GADL1: variants seen among roughly 807,000 people sequenced by gnomAD.
GADL1 encodes the protein acidic amino acid decarboxylase GADL1.
Under a neutral mutation model 69.5 loss-of-function variants are expected in GADL1, and 71 were observed. The observed-to-expected ratio is 1.02, with a 90% confidence interval of 0.84 to 1.25. The LOEUF is 1.25. GADL1 is among the 50% of genes most tolerant of loss of function. The probability of loss-of-function intolerance (pLI) is 0.00; values close to 1 mark genes in which losing one functional copy is unlikely to be tolerated. For synonymous variants in GADL1, 254 were observed against 214.4 expected (o/e 1.18, Z -1.62); for missense variants, 737 against 631.8 (o/e 1.17, Z -1.79).
At chr3:30,838,412 A>G (rs1332128358) in intron 9 of GADL1, among the ~76,000 whole-genome samples, 3 of 152,156 alleles carry the variant, frequency 2.0e-5, no homozygotes, top group Non-Finnish European at 4.4e-5. Flanking sequence ...TAAAAAGCCA[A>G]TCCTTTGCTA....
chr3:30,759,227 C>CT (rs1242848311), intron 14 of GADL1, among the ~76,000 whole-genome samples: 1 of 150,940 alleles, frequency 6.6e-6, no homozygotes, highest in Non-Finnish European at 1.5e-5. Context: ...ACATCTGTCT[C>CT]TTTAGCTCTC....
intron 1 of GADL1, among the ~76,000 whole-genome samples, chr3:30,874,974 G>A (rs1300564207): frequency 6.6e-6 from 1 of 151,912 alleles, no homozygotes; most frequent in African/African-American, 2.4e-5. Flanking sequence ...CATCCAACCT[G>A]TGCATTGGCT....
chr3:30,824,314 A>C (rs892409218), intron 11 of GADL1, among the ~76,000 whole-genome samples: 2 of 151,820 alleles, frequency 1.3e-5, no homozygotes, highest in Non-Finnish European at 2.9e-5. Flanking sequence ...AAATATCACC[A>C]AAGTATTGAA....
intron 11 of GADL1, among the ~76,000 whole-genome samples, chr3:30,803,002 A>C (rs1697192196): frequency 6.6e-6 from 1 of 152,210 alleles, no homozygotes; most frequent in African/African-American, 2.4e-5. Context: ...TGAAGTGGGA[A>C]GATCACTTGA....
At chr3:30,797,286 C>G (rs910006671) in intron 12 of GADL1, among the ~76,000 whole-genome samples, 1 of 152,118 alleles carries the variant, frequency 6.6e-6, no homozygotes, top group Non-Finnish European at 1.5e-5. Context: ...AGGGGGAAAA[C>G]AATTGTTGTT....
chr3:30,779,164 A>G (rs537141080), intron 13 of GADL1: 4 of 152,342 alleles, frequency 2.6e-5, no homozygotes, highest in Admixed American at 2.6e-4. Context: ...ACAAAAACAT[A>G]GGAAATGCGA....
At chr3:30,771,284 G>A (rs1249755755) in intron 14 of GADL1, among the ~76,000 whole-genome samples, 4 of 152,190 alleles carry the variant, frequency 2.6e-5, no homozygotes, top group Non-Finnish European at 4.4e-5. Flanking sequence ...ACCCTTAGTT[G>A]CAGAATGGCA....
intron 1 of GADL1, among the ~76,000 whole-genome samples, chr3:30,887,249 G>GTT (rs1046258569): frequency 1.3e-5 from 2 of 152,188 alleles, no homozygotes; most frequent in African/African-American, 4.8e-5. Flanking sequence ...AGGTGCTGTG[G>GTT]TTTGAATGTC....
At chr3:30,778,114 T>A in intron 14 of GADL1, 65 bp downstream of exon 14, 1 of 905,592 alleles carries the variant, frequency 1.1e-6, no homozygotes, top group Non-Finnish European at 1.8e-6. Flanking sequence ...ATTTATAGGA[T>A]CAACAGATAA....
In GADL1 at chr3:30,749,043, C is replaced by T. The variant is rs148640574; in HGVS notation, c.1393-20628G>A. On this transcript the variant is annotated intron_variant, in intron 14 of 14. Transcript: ENST00000282538. Reference sequence around the variant, plus strand: ...TTCTTTTACTATAATTATCAATTCCCGAATCAATCTTGCCTTCATGTACCC... The same window carrying T: ...TTCTTTTACTATAATTATCAATTCCTGAATCAATCTTGCCTTCATGTACCC... Among the ~76,000 whole-genome samples the T allele has an allele frequency of 4.6e-5, 7 of 152,290 alleles. No homozygotes were observed. In the South Asian group the frequency reaches 6.2e-4, roughly 14 times the overall value.
chr3:30,781,909 C>T (rs1696674477), intron 13 of GADL1, among the ~76,000 whole-genome samples: 1 of 152,176 alleles, frequency 6.6e-6, no homozygotes, highest in African/African-American at 2.4e-5. Context: ...TAGTGAGGTA[C>T]ATCACTATGT....
intron 12 of GADL1, chr3:30,800,648 TGGAG>T: frequency 1.9e-6 from 1 of 515,230 alleles, no homozygotes; most frequent in South Asian, 2.2e-5. Context: ...GCTAGGATCT[TGGAG>T]GGAGGTGATA....
intron 13 of GADL1, among the ~76,000 whole-genome samples, chr3:30,781,998 TAAGC>T (rs5847621): frequency 0.053 from 8,124 of 152,256 alleles, 410 homozygotes; most frequent in South Asian, 0.2. Context: ...TTCAAATTAA[TAAGC>T]AAAGCTTTCT....
chr3:30,859,255 C>G (rs553926037), intron 2 of GADL1, among the ~76,000 whole-genome samples: 1 of 151,744 alleles, frequency 6.6e-6, no homozygotes, highest in African/African-American at 2.4e-5. Context: ...GGAGGAAATA[C>G]CAAGTTGTGC....
At chr3:30,810,021 G>A (rs896905701) in intron 11 of GADL1, among the ~76,000 whole-genome samples, 2 of 152,216 alleles carry the variant, frequency 1.3e-5, no homozygotes, top group Non-Finnish European at 2.9e-5. Context: ...TGAGGTGCTT[G>A]TGATTGAATT....
At chr3:30,754,947 AAG>A (rs1695932981) in intron 14 of GADL1, among the ~76,000 whole-genome samples, 1 of 152,150 alleles carries the variant, frequency 6.6e-6, no homozygotes, top group Admixed American at 6.5e-5. Context: ...TTGAAAAACC[AAG>A]AGACTTTCAC....
chr3:30,781,736 C>T (rs557432712), intron 13 of GADL1, among the ~76,000 whole-genome samples: 6 of 152,100 alleles, frequency 3.9e-5, no homozygotes, highest in East Asian at 1.9e-4. Flanking sequence ...GATGTCTGCC[C>T]CACAGGGTTG....
chr3:30,845,487 T>G (rs958926702), intron 6 of GADL1, among the ~76,000 whole-genome samples: 2 of 152,210 alleles, frequency 1.3e-5, no homozygotes, highest in African/African-American at 2.4e-5. Flanking sequence ...ACTTGATATA[T>G]TCCCTCAAAT....
chr3:30,840,777 T>C (rs979998292), intron 8 of GADL1, among the ~76,000 whole-genome samples: 1 of 152,224 alleles, frequency 6.6e-6, no homozygotes, highest in African/African-American at 2.4e-5. Context: ...GCGATCTGGA[T>C]TTAACCTAGA....
Sources: allele counts gnomAD v4.1 joint callset (sites outside exome capture counted in the v4.1 genomes callset), GRCh38; gene constraint gnomAD v4.1.1; transcripts MANE v1.5; gene names NCBI Gene and HGNC (gene_info 2026-07-23, HGNC 2026-07-21).